The following ZNF66 variants were observed in gnomAD, a reference collection of about 807,000 sequenced individuals.
ZNF66 encodes putative zinc finger protein 66.
ZNF66 carries 32 observed loss-of-function variants against 35.2 expected under a neutral mutation model. The observed-to-expected ratio is 0.91, with a 90% CI of 0.69 to 1.22. The LOEUF is 1.22. Ranked by LOEUF, ZNF66 falls within the 50% of genes most tolerant of loss-of-function variation. The pLI, the probability that ZNF66 is intolerant of heterozygous loss-of-function variation, is 0.00. For synonymous variants in ZNF66, 231 were observed against 181.3 expected, an observed-to-expected ratio of 1.27 and a Z score of -2.20; for missense variants, 666 against 543.1, an observed-to-expected ratio of 1.23 and a Z score of -2.25.
rs549768394 is a variant in ZNF66 at position 20,795,742 on chromosome 19, G to A, written c.226+1864G>A. Among the ~76,000 whole-genome samples the A allele has an allele frequency of 1.1e-3, 164 of 152,244 alleles. 1 individual carries two copies. Among genetic ancestry groups the A allele is most frequent in the African/African-American group, 3.8e-3 (156 of 41,546 alleles). ...GTAACTGAAACTGAGTCATAGAACCGCTTCAGGGATCCCAGTAAAGTCCAA... is the reference window on the plus strand; with the variant it reads ...GTAACTGAAACTGAGTCATAGAACCACTTCAGGGATCCCAGTAAAGTCCAA... On this transcript the variant is annotated intron_variant, in intron 3 of 3. Transcript: ENST00000344519.
In ZNF66 at chr19:20,799,961, C is replaced by G. The variant is rs780403331; in HGVS notation, c.227-5866C>G. Among the ~76,000 whole-genome samples the G allele has an allele frequency of 2.6e-4, 40 of 152,202 alleles. 1 individual carries two copies. The Middle Eastern group carries it at 0.034, about 129-fold the overall frequency. ...CCAGTTTGACTTTTGCTTTTAATTC[C>G]TAGTTTCATAAAGTTTTTGTTAGAA... On this transcript the variant is annotated intron_variant, in intron 3 of 3. Transcript: ENST00000344519.
chr19:20,785,719 C>G (rs1971280880), intron 1 of ZNF66, among the ~76,000 whole-genome samples: 1 of 151,804 alleles, frequency 6.6e-6, no homozygotes, highest in South Asian at 2.1e-4. Flanking sequence ...TGGAGCTTCT[C>G]TGGGGCTGGA....
chr19:20,803,721 C>A (rs365033), intron 3 of ZNF66, among the ~76,000 whole-genome samples: 1 of 151,806 alleles, frequency 6.6e-6, no homozygotes, highest in Non-Finnish European at 1.5e-5. Context: ...TTTCTTTCAC[C>A]ATGTTATTTT....
In ZNF66 at chr19:20,806,586, C is replaced by A; in HGVS notation, c.986C>A (p.Thr329Asn). 1 of 1,593,478 alleles carries A rather than the reference C, an allele frequency of 6.3e-7. No individual in the cohort carries two copies. Among genetic ancestry groups the A allele is most frequent in the Non-Finnish European group, 8.6e-7 (1 of 1,162,414 alleles). ...GKAFNWSSHLTTHKRIHTGEK... is the reference protein window; with the variant it reads ...GKAFNWSSHLNTHKRIHTGEK... ...GCCTTCAACTGGTCCTCACACCTTA[C>A]TACACATAAGAGAATTCATACTGGA... is the stretch of plus-strand genomic sequence containing the variant. Residue 329 changes from threonine (T) to asparagine (N), a missense_variant, in exon 4 of 4, where the codon ACT (threonine) becomes AAT (asparagine). By Grantham distance (65) the Thr-to-Asn change is moderately conservative. Coordinates refer to ENST00000344519, the MANE Select transcript of ZNF66 (RefSeq NM_001355197.2).
At chr19:20,781,798 C>T (rs184874014) in intron 1 of ZNF66, among the ~76,000 whole-genome samples, 99 of 152,182 alleles carry the variant, frequency 6.5e-4, no homozygotes, top group African/African-American at 2.1e-3. Flanking sequence ...GTGAGCACTG[C>T]GCCAGGCCTC....
At chr19:20,791,102 AACTG>A (rs1311254643) in intron 1 of ZNF66, among the ~76,000 whole-genome samples, 1 of 152,186 alleles carries the variant, frequency 6.6e-6, no homozygotes, top group Non-Finnish European at 1.5e-5. Flanking sequence ...TATTGGGGAA[AACTG>A]TGGTCCTTAG....
chr19:20,785,568 G>C (rs577470632), intron 1 of ZNF66, among the ~76,000 whole-genome samples: 34 of 152,200 alleles, frequency 2.2e-4, no homozygotes, highest in African/African-American at 7.7e-4. Context: ...TCTACTTGTG[G>C]ACTAATTATG....
chr19:20,776,334 T>C lies in ZNF66; in HGVS notation c.-114T>C, dbSNP rs11667527. ...TCCCTGCAGCTGGAGCTCCAGGTCG[T>C]CTGTTCACTGCTCTCTGTCTTCTTC... On this transcript the variant is annotated 5_prime_UTR_variant, in exon 1 of 4. Coordinates refer to ENST00000344519, the MANE Select transcript of ZNF66 (RefSeq NM_001355197.2). 62,657 of 1,451,782 alleles carry C rather than the reference T, an allele frequency of 0.043. 1,736 individuals are homozygous for C. The highest frequency in any genetic ancestry group is 0.053 in the Non-Finnish European group (55,268 of 1,035,958). The allele number at this position is 1,451,782 out of a possible 1,614,324, so 89.9% of individuals were successfully genotyped here. A position where few individuals can be genotyped will look rare whatever the true frequency, so the allele number is the denominator to read the frequency against.
At chr19:20,795,049 T>A (rs982969539) in intron 3 of ZNF66, among the ~76,000 whole-genome samples, 1 of 151,882 alleles carries the variant, frequency 6.6e-6, no homozygotes. Flanking sequence ...TTTTTTGTAT[T>A]TTTTTGGTAG....
intron 1 of ZNF66, 21 bp downstream of exon 1, chr19:20,776,471 T>C: frequency 1.3e-6 from 2 of 1,542,294 alleles, no homozygotes; most frequent in South Asian, 1.1e-5. Flanking sequence ...CGGTCCAGCA[T>C]CCCGAGAGAG....
chr19:20,784,014 G>C (rs1314697705), intron 1 of ZNF66, among the ~76,000 whole-genome samples: 4 of 152,040 alleles, frequency 2.6e-5, no homozygotes, highest in Admixed American at 6.6e-5. Flanking sequence ...ACACCACCAT[G>C]CCTGGCTAAG....
At position 20,808,360 on chromosome 19, in the gene ZNF66, C is replaced by G. The variant is rs1971547630; in HGVS notation, c.*1038C>G. On this transcript the variant is annotated 3_prime_UTR_variant, in exon 4 of 4. Coordinates refer to ENST00000344519, the MANE Select transcript of ZNF66 (RefSeq NM_001355197.2). Reference sequence around the variant, plus strand: ...GCTTTGAAGAGAGTAGTGGTTCTCCCAGCACGCAGCTGGAGATCTGAGAAC... The same window carrying G: ...GCTTTGAAGAGAGTAGTGGTTCTCCGAGCACGCAGCTGGAGATCTGAGAAC... Among the ~76,000 whole-genome samples, 1 of 152,220 alleles carries G rather than the reference C, an allele frequency of 6.6e-6. No homozygotes were observed. Among genetic ancestry groups the G allele is most frequent in the Non-Finnish European group, 1.5e-5 (1 of 68,046 alleles).
chr19:20,803,019 G>C (rs576702684), intron 3 of ZNF66, among the ~76,000 whole-genome samples: 1 of 151,422 alleles, frequency 6.6e-6, no homozygotes, highest in Admixed American at 6.6e-5. Flanking sequence ...GATGCAGCTT[G>C]TGTAATATTA....
Position 20,806,748 on chromosome 19 carries a change from C to G in ZNF66, c.1148C>G (p.Ser383Cys). 1 of 1,344,400 alleles carries G rather than the reference C, an allele frequency of 7.4e-7. No homozygotes were observed. Among genetic ancestry groups the G allele is most frequent in the Non-Finnish European group, 1.1e-6 (1 of 938,546 alleles). 83.3% of individuals were successfully genotyped at this position (1,344,400 alleles called of 1,614,324 possible). Reference sequence around the variant, plus strand: ...GGTGAAGCCTTTAAGTACTCCTGTTCCCTTACTGCACATAAGATAATTCAT... The same window carrying G: ...GGTGAAGCCTTTAAGTACTCCTGTTGCCTTACTGCACATAAGATAATTCAT... ...ECGEAFKYSC[S>C]LTAHKIIHTG... The change falls in exon 4 of 4, where the codon TCC becomes TGC. Residue 383 changes from serine to cysteine, a missense_variant. Ser to Cys is a moderately radical substitution (Grantham distance 112, BLOSUM62 -1). Transcript: ENST00000344519.
rs771572133 is a variant in ZNF66, at chr19:20,806,991, G to A, written c.1391G>A (p.Arg464His). The change falls in exon 4 of 4, where the codon CGC (arginine) becomes CAC (histidine). Residue 464 changes from arginine (R) to histidine (H), a missense_variant. By Grantham distance (29) the Arg-to-His change is conservative (BLOSUM62 0). Transcript: ENST00000344519. ...GAAGACTGTGGCAAAGCCTTTAACC[G>A]CTCCTCTAACCTTACTAAACACAAG... ...ECEDCGKAFN[R>H]SSNLTKHKKI... 57 of 986,228 alleles carry A rather than the reference G, an allele frequency of 5.8e-5. No individual in the cohort carries two copies. The highest frequency in any genetic ancestry group is 7.4e-5 in the Non-Finnish European group (45 of 612,180). The allele number at this position is 986,228 out of a possible 1,614,324, so 61.1% of individuals were successfully genotyped here. A position where few individuals can be genotyped will look rare whatever the true frequency, so the allele number is the denominator to read the frequency against.
intron 3 of ZNF66, among the ~76,000 whole-genome samples, chr19:20,794,994 C>T (rs1971378022): frequency 6.6e-6 from 1 of 151,518 alleles, no homozygotes; most frequent in Non-Finnish European, 1.5e-5. Flanking sequence ...GCCTCAGCCT[C>T]CTGAGTAGCT....
intron 1 of ZNF66, among the ~76,000 whole-genome samples, chr19:20,785,590 T>A (rs1159767539): frequency 6.6e-6 from 1 of 152,224 alleles, no homozygotes; most frequent in East Asian, 1.9e-4. Flanking sequence ...TGACCATCTT[T>A]CCATCTTTGT....
chr19:20,794,959 CCTCCTGGGCTCAAGTGGCT>C (rs370297574), intron 3 of ZNF66, among the ~76,000 whole-genome samples: 2,243 of 149,496 alleles, frequency 0.015, 70 homozygotes, highest in African/African-American at 0.052. Context: ...GCAACCTTTG[CCTCCTGGGCTCAAGTGGCT>C]CTCCTGCCTC....
chr19:20,796,228 T>A (rs1971391463), intron 3 of ZNF66, among the ~76,000 whole-genome samples: 1 of 152,122 alleles, frequency 6.6e-6, no homozygotes, highest in South Asian at 2.1e-4. Context: ...GCTGACTTTT[T>A]TTTTTGCTGT....
Sources: gnomAD v4.1 joint callset for allele counts (sites outside exome capture counted in the v4.1 genomes callset) on GRCh38, gnomAD v4.1.1 for gene constraint, MANE v1.5 for transcripts, NCBI Gene and HGNC (gene_info 2026-07-23, HGNC 2026-07-21) for gene names.